Variants in NUDT12 observed in about 807,000 individuals in gnomAD.
NUDT12 encodes the protein nudix hydrolase 12, also known as NAD-capped RNA hydrolase NUDT12.
A neutral mutation model predicts 45.7 loss-of-function variants in NUDT12; 42 were observed. The observed-to-expected ratio is 0.92, with a 90% CI of 0.72 to 1.19. The LOEUF (loss-of-function observed/expected upper bound fraction) is 1.19, where lower values mean the gene tolerates loss of function less well. Ranked by LOEUF, NUDT12 falls within the 50% of genes most tolerant of loss-of-function variation. The probability of loss-of-function intolerance (pLI) is 0.00; values close to 1 mark genes in which losing one functional copy is unlikely to be tolerated. For synonymous variants in NUDT12, 206 were observed against 179.7 expected, an observed-to-expected ratio of 1.15 and a Z score of -1.17; for missense variants, 590 against 533.1, an observed-to-expected ratio of 1.11 and a Z score of -1.05.
chr5:103,552,735 A>C (rs192719079), intron 5 of NUDT12, among the ~76,000 whole-genome samples: 3 of 152,264 alleles, frequency 2.0e-5, no homozygotes, highest in Admixed American at 2.0e-4. Flanking sequence ...AACACTTTAT[A>C]TCTTATCTCA....
chr5:103,555,828 T>G, intron 4 of NUDT12, 103 bp downstream of exon 4: 1 of 772,810 alleles, frequency 1.3e-6, no homozygotes, highest in South Asian at 3.5e-5. Flanking sequence ...TAGACATGTT[T>G]TCCATAAAAA....
chr5:103,550,068 A>G lies in NUDT12; in HGVS notation c.*793T>C, dbSNP rs1477630452. On this transcript the variant is annotated 3_prime_UTR_variant, in exon 7 of 7. Transcript: ENST00000230792. The stretch of plus-strand genomic sequence containing the variant: ...CGACCTTTGAGGAGAATTCCTTTCA[A>G]GTTTAATTTCAGTGCAAAAGCAGAG... 1 of 152,172 alleles carries G rather than the reference A, an allele frequency of 6.6e-6. No individual in the cohort carries two copies. The allele number at this position is 152,172 out of a possible 1,614,324, so 9.4% of individuals were successfully genotyped here.
intron 6 of NUDT12, 101 bp from the exon 7 acceptor site, chr5:103,551,072 C>T: frequency 1.3e-6 from 1 of 794,892 alleles, no homozygotes; most frequent in Non-Finnish European, 2.1e-6. Flanking sequence ...ATGAGTTTTA[C>T]AGTGAATAAC....
At position 103,558,979 on chromosome 5, in the gene NUDT12, T is replaced by C. The variant is rs1748922389; in HGVS notation, c.696A>G (p.Ile232Met). 3.7e-6 allele frequency: 6 copies of C among 1,613,754 alleles called. No individual in the cohort carries two copies. The highest frequency in any genetic ancestry group is 5.1e-6 in the Non-Finnish European group (6 of 1,179,718). The stretch of plus-strand genomic sequence containing the variant: ...TGAATTCTTCAGCAGCAATAGGATC[T>C]ATACCTAGAGCAAACCAGGCAACCA... ...DGLVAWFALG[I>M]DPIAAEEFKQ... Residue 232 changes from isoleucine (I) to methionine (M), a missense_variant, in exon 3 of 7, where the codon ATA becomes ATG. By Grantham distance (10) the Ile-to-Met change is conservative. Transcript: ENST00000230792.
Position 103,559,099 on chromosome 5 carries a change from C to T in NUDT12, c.576G>A (p.Glu192=), listed in dbSNP as rs373916020. 1 of 1,611,780 alleles carries T rather than the reference C, an allele frequency of 6.2e-7. No individual in the cohort carries two copies. Among genetic ancestry groups the T allele is most frequent in the Non-Finnish European group, 8.5e-7 (1 of 1,178,926 alleles). The change falls in exon 3 of 7, where the codon GAG becomes GAA. Residue 192 remains glutamate (E), a synonymous_variant. Coordinates refer to ENST00000230792, the MANE Select transcript of NUDT12 (RefSeq NM_031438.4). ...TDIKDYLAQP[E]KITLIFLGVE... is the part of the protein sequence containing the mutation. Reference sequence around the variant, plus strand: ...CTCCAAGAAAAATCAAGGTGATCTTCTCAGGCTGGGCCAAATAATCCTTTA... The same window carrying T: ...CTCCAAGAAAAATCAAGGTGATCTTTTCAGGCTGGGCCAAATAATCCTTTA...
chr5:103,559,767 G>A, intron 2 of NUDT12: 1 of 494,522 alleles, frequency 2.0e-6, no homozygotes, highest in Non-Finnish European at 3.5e-6. Context: ...AGAAGTCCTT[G>A]GTAGTCATAG....
chr5:103,558,181 A>T (rs1410725030), intron 3 of NUDT12, among the ~76,000 whole-genome samples: 3 of 151,868 alleles, frequency 2.0e-5, no homozygotes, highest in Non-Finnish European at 4.4e-5. Flanking sequence ...TCTTTCCTCC[A>T]TTTCTACTAT....
chr5:103,552,017 C>G (rs1211136780), intron 6 of NUDT12, among the ~76,000 whole-genome samples, 200 bp downstream of exon 6: 1 of 152,092 alleles, frequency 6.6e-6, no homozygotes, highest in Non-Finnish European at 1.5e-5. Context: ...CTAGAAAAAT[C>G]TCATAGAATA....
In NUDT12 at chr5:103,552,334, A is replaced by T; in HGVS notation, c.1161T>A (p.Cys387Ter). The change falls in exon 6 of 7, where the codon TGT becomes TGA. Residue 387 changes from cysteine to a stop codon, truncating the protein, a stop_gained. Coordinates refer to ENST00000230792, the MANE Select transcript of NUDT12 (RefSeq NM_031438.4). LOFTEE classifies it high-confidence loss of function. Reference protein sequence around the residue: ...VKVGHVQYVACQPWPMPSSLM... With the variant: ...VKVGHVQYVA ...AGGAGGAAGGCATTGGCCATGGTTGACAAGCAACATACTGAACATGGCCAA... is the reference window on the plus strand; with the variant it reads ...AGGAGGAAGGCATTGGCCATGGTTGTCAAGCAACATACTGAACATGGCCAA... 6.2e-7 allele frequency: 1 copy of T among 1,613,920 alleles called. No homozygotes were observed. The highest frequency in any genetic ancestry group is 8.5e-7 in the Non-Finnish European group (1 of 1,179,860).
chr5:103,556,119 C>G, intron 3 of NUDT12, 21 bp from the exon 4 acceptor site: 3 of 1,516,690 alleles, frequency 2.0e-6, no homozygotes, highest in Non-Finnish European at 2.6e-6. Context: ...AAGAAAAGCA[C>G]AAAAATTTTA....
Position 103,559,240 on chromosome 5 carries a change from ATGGCTTTCTTTAGC to A in NUDT12, c.421_434del (p.Ala141SerfsTer21), listed in dbSNP as rs761444350. On this transcript the variant is annotated frameshift_variant, in exon 3 of 7. Transcript: ENST00000230792. LOFTEE classifies it high-confidence loss of function. ...AGAAAAGAATAAAAACTGTGGCTGG[ATGGCTTTCTTTAGC>A]TAGCAGCCAGTCAGAATTATTTCTC... The A allele has an allele frequency of 4.1e-5, 65 of 1,577,094 alleles. No individual in the cohort carries two copies. The highest frequency in any genetic ancestry group is 5.3e-5 in the Non-Finnish European group (62 of 1,164,678).
rs1748574724 is a variant in NUDT12 at position 103,549,143 on chromosome 5, G to A, written c.*1718C>T. 1 of 152,016 alleles carries A rather than the reference G, an allele frequency of 6.6e-6. No homozygotes were observed. Among genetic ancestry groups the A allele is most frequent in the African/African-American group, 2.4e-5 (1 of 41,418 alleles). 9.4% of individuals were successfully genotyped at this position (152,016 alleles called of 1,614,324 possible). A position where few individuals can be genotyped will look rare whatever the true frequency, so the allele number is the denominator to read the frequency against. ...TTATGAAAACCTGGAATTTTACAAT[G>A]TAATCTTAGAATCTGCAAGTATTAA... On this transcript the variant is annotated 3_prime_UTR_variant, in exon 7 of 7. Transcript: ENST00000230792.
At chr5:103,552,047 A>G (rs1748668912) in intron 6 of NUDT12, among the ~76,000 whole-genome samples, 170 bp downstream of exon 6, 1 of 152,210 alleles carries the variant, frequency 6.6e-6, no homozygotes, top group South Asian at 2.1e-4. Flanking sequence ...AGATCACATT[A>G]GTGAAACATA....
At chr5:103,556,722 C>T (rs973750416) in intron 3 of NUDT12, among the ~76,000 whole-genome samples, 8 of 152,002 alleles carry the variant, frequency 5.3e-5, no homozygotes, top group Admixed American at 2.6e-4. Flanking sequence ...ATAGGTTTTA[C>T]TCTGGTAGTT....
In NUDT12 at chr5:103,559,008, C is replaced by T; in HGVS notation, c.667G>A (p.Gly223Arg). 1.9e-6 allele frequency: 3 copies of T among 1,613,738 alleles called. No homozygotes were observed. The highest frequency in any genetic ancestry group is 2.5e-6 in the Non-Finnish European group (3 of 1,179,728). ...AGEVPREEED[G>R]LVAWFALGID... Reference sequence around the variant, plus strand: ...CCTAGAGCAAACCAGGCAACCAATCCATCTTCCTCCTCTCTCGGGACTTCA... The same window carrying T: ...CCTAGAGCAAACCAGGCAACCAATCTATCTTCCTCCTCTCTCGGGACTTCA... Residue 223 changes from glycine (G) to arginine (R), a missense_variant, in exon 3 of 7, where the codon GGA becomes AGA. Physicochemically the swap from Gly to Arg is moderately radical, Grantham distance 125. Transcript: ENST00000230792.
intron 3 of NUDT12, among the ~76,000 whole-genome samples, chr5:103,558,258 G>A (rs365321): frequency 0.027 from 4,116 of 151,880 alleles, 212 homozygotes; most frequent in African/African-American, 0.094. Flanking sequence ...TACAGATCAA[G>A]CCCTATCCCT....
chr5:103,562,018 GTT>G (rs1168882310), intron 1 of NUDT12, among the ~76,000 whole-genome samples: 1 of 152,154 alleles, frequency 6.6e-6, no homozygotes, highest in Admixed American at 6.5e-5. Context: ...CAATTCTACT[GTT>G]TGATTTACTT....
At chr5:103,551,066 G>T in intron 6 of NUDT12, 95 bp from the exon 7 acceptor site, 1 of 830,840 alleles carries the variant, frequency 1.2e-6, no homozygotes. Flanking sequence ...AATGTGATGA[G>T]TTTTACAGTG....
Position 103,559,311 on chromosome 5 carries a change from T to C in NUDT12, c.364A>G (p.Ser122Gly), listed in dbSNP as rs1226567782. Reference protein sequence around the residue: ...NEVEECENYFSKTLLDRKSEK... With the variant: ...NEVEECENYFGKTLLDRKSEK... ...CTTTTCCGGTCCAGTAGTGTTTTGC[T>C]AAAATAATTTTCACATTCTTCCACT... Residue 122 changes from serine (S) to glycine (G), a missense_variant, in exon 3 of 7, where the codon AGC (serine) becomes GGC (glycine). Transcript: ENST00000230792. 2 of 1,612,890 alleles carry C rather than the reference T, an allele frequency of 1.2e-6. No individual in the cohort carries two copies. Among genetic ancestry groups the C allele is most frequent in the Middle Eastern group, 1.7e-4 (1 of 6,052 alleles).
Sources: allele counts gnomAD v4.1 joint callset (sites outside exome capture counted in the v4.1 genomes callset), GRCh38; gene constraint gnomAD v4.1.1; transcripts MANE v1.5; gene names NCBI Gene and HGNC (gene_info 2026-07-23, HGNC 2026-07-21).